EML6: variants seen among roughly 807,000 people sequenced by gnomAD.
EML6 encodes the protein echinoderm microtubule-associated protein-like 6.
EML6 carries 154 observed loss-of-function variants against 240.1 expected under a neutral mutation model. That is an observed-to-expected ratio of 0.64 (90% CI 0.56 to 0.73). The LOEUF (loss-of-function observed/expected upper bound fraction) is 0.73. Among genes scored for constraint, EML6 ranks in the 30% least tolerant of loss-of-function variants. EML6 has a pLI of 0.00. For synonymous variants in EML6, 1,148 were observed against 899.0 expected, an observed-to-expected ratio of 1.28 and a Z score of -4.95; for missense variants, 2,964 against 2,474.6, an observed-to-expected ratio of 1.20 and a Z score of -4.20.
chr2:54,957,554 C>T (rs143538505), intron 32 of EML6, among the ~76,000 whole-genome samples: 234 of 152,288 alleles, frequency 1.5e-3, no homozygotes, highest in Non-Finnish European at 2.9e-3. Flanking sequence ...TTTCTTGCTA[C>T]GTTCATGAAT....
chr2:54,843,625 A>T (rs1296417436), intron 7 of EML6, among the ~76,000 whole-genome samples: 1 of 152,034 alleles, frequency 6.6e-6, no homozygotes, highest in Admixed American at 6.6e-5. Flanking sequence ...CGGGCGGATC[A>T]CGAGGTCAGG....
Position 54,800,273 on chromosome 2 carries a change from A to G in EML6, c.198-12959A>G, listed in dbSNP as rs116810683. Among the ~76,000 whole-genome samples, 758 of 152,230 alleles carry G rather than the reference A, an allele frequency of 5.0e-3. 6 individuals are homozygous for G. The highest frequency in any genetic ancestry group is 9.0e-3 in the Non-Finnish European group (613 of 68,006). On this transcript the variant is annotated intron_variant, in intron 2 of 41. Coordinates refer to ENST00000356458, the MANE Select transcript of EML6 (RefSeq NM_001039753.4). The stretch of plus-strand genomic sequence containing the variant: ...ATTTTGTTTGCTCTGGAGGAGTTGG[A>G]TTGAATGAGGTCCCTTAAAGGGTCA...
At chr2:54,828,732 C>T (rs1668717483) in intron 6 of EML6, among the ~76,000 whole-genome samples, 1 of 152,222 alleles carries the variant, frequency 6.6e-6, no homozygotes, top group Non-Finnish European at 1.5e-5. Flanking sequence ...ACATTATATT[C>T]TTGCAGCACT....
At chr2:54,883,820 T>C (rs1671972563) in intron 17 of EML6, among the ~76,000 whole-genome samples, 1 of 152,222 alleles carries the variant, frequency 6.6e-6, no homozygotes, top group Non-Finnish European at 1.5e-5. Context: ...AGTGTGTTCT[T>C]TATTTATATA....
At chr2:54,812,176 T>C (rs1458261401) in intron 2 of EML6, among the ~76,000 whole-genome samples, 1 of 152,132 alleles carries the variant, frequency 6.6e-6, no homozygotes, top group Non-Finnish European at 1.5e-5. Flanking sequence ...ATCTATTTTC[T>C]GTATTATCTG....
At chr2:54,820,914 A>G (rs1320722243) in intron 5 of EML6, among the ~76,000 whole-genome samples, 1 of 152,176 alleles carries the variant, frequency 6.6e-6, no homozygotes, top group Non-Finnish European at 1.5e-5. Context: ...GTACAAACCT[A>G]TCTGGACCAT....
At chr2:54,895,151 C>G (rs1164585788) in intron 20 of EML6, 122 bp from the exon 21 acceptor site, 9 of 1,332,020 alleles carry the variant, frequency 6.8e-6, no homozygotes, top group Non-Finnish European at 9.4e-6. Flanking sequence ...AACTCTCTTC[C>G]TCTGGTAGAA....
At chr2:54,933,828 G>A (rs76438263) in intron 28 of EML6, among the ~76,000 whole-genome samples, 10,989 of 152,230 alleles carry the variant, frequency 0.072, 668 homozygotes, top group South Asian at 0.21. Context: ...GCGGCTCAAA[G>A]TCTCAGCCAG....
chr2:54,820,122 C>T lies in EML6; in HGVS notation c.457-272C>T, dbSNP rs115600811. Reference sequence around the variant, plus strand: ...TATCCTAAATTGTCCATTTGTTTATCTCAAATGGACAAAATTAAAAATATG... The same window carrying T: ...TATCCTAAATTGTCCATTTGTTTATTTCAAATGGACAAAATTAAAAATATG... On this transcript the variant is annotated intron_variant, in intron 4 of 41. Coordinates refer to ENST00000356458, the MANE Select transcript of EML6 (RefSeq NM_001039753.4). Among the ~76,000 whole-genome samples, 647 of 152,168 alleles carry T rather than the reference C, an allele frequency of 4.3e-3. 4 individuals carry two copies. Among genetic ancestry groups the T allele is most frequent in the Non-Finnish European group, 7.0e-3 (476 of 68,018 alleles).
chr2:54,755,572 C>T (rs529183570), intron 2 of EML6, among the ~76,000 whole-genome samples: 21 of 152,272 alleles, frequency 1.4e-4, no homozygotes, highest in African/African-American at 4.8e-4. Context: ...TGATGTTCAT[C>T]TCTACGTATT....
rs1287813138 is a variant in EML6, at chr2:54,960,340, C to G, written c.4968+6C>G. 2 of 1,545,540 alleles carry G rather than the reference C, an allele frequency of 1.3e-6. No individual in the cohort carries two copies. Among genetic ancestry groups the G allele is most frequent in the Admixed American group, 2.0e-5 (1 of 50,974 alleles). On this transcript the variant is annotated splice_donor_region_variant and intron_variant, in intron 35 of 41. Transcript: ENST00000356458. ...GCTCCGTGTGCCGTGGAAAAGTGAG[C>G]ACAGCCAGCTCCCCTGGGGGCTGGG...
chr2:54,723,955 G>C (rs1197062132), intron 1 of EML6, among the ~76,000 whole-genome samples, 178 bp downstream of exon 1: 8 of 152,194 alleles, frequency 5.3e-5, no homozygotes, highest in Admixed American at 2.6e-4. Flanking sequence ...GCTGTCCCCC[G>C]GGTCCCTCGG....
chr2:54,780,318 C>A (rs1668796564), intron 2 of EML6, among the ~76,000 whole-genome samples: 1 of 152,126 alleles, frequency 6.6e-6, no homozygotes, highest in African/African-American at 2.4e-5. Flanking sequence ...CTAGATTGTT[C>A]AAAAATCAGA....
At chr2:54,819,692 C>T (rs895922456) in intron 4 of EML6, among the ~76,000 whole-genome samples, 1 of 147,610 alleles carries the variant, frequency 6.8e-6, no homozygotes, top group African/African-American at 2.5e-5. Flanking sequence ...AGGAGAATTG[C>T]TTGAACCTGG....
intron 24 of EML6, among the ~76,000 whole-genome samples, chr2:54,907,309 C>G (rs979315233): frequency 6.6e-6 from 1 of 152,062 alleles, no homozygotes; most frequent in Non-Finnish European, 1.5e-5. Context: ...GAGTTTGAGG[C>G]CAGCCTGGCC....
At chr2:54,778,615 G>A (rs1331800680) in intron 2 of EML6, among the ~76,000 whole-genome samples, 3 of 152,090 alleles carry the variant, frequency 2.0e-5, no homozygotes, top group Non-Finnish European at 4.4e-5. Flanking sequence ...TAGGCCGGGC[G>A]CAGTAGCTCA....
At chr2:54,809,848 A>G (rs1037589910) in intron 2 of EML6, among the ~76,000 whole-genome samples, 4 of 152,130 alleles carry the variant, frequency 2.6e-5, no homozygotes, top group Non-Finnish European at 5.9e-5. Context: ...ATAGAAGTAA[A>G]TGCCATTTGG....
At chr2:54,763,767 A>G (rs1033312488) in intron 2 of EML6, among the ~76,000 whole-genome samples, 3 of 152,212 alleles carry the variant, frequency 2.0e-5, no homozygotes, top group African/African-American at 7.2e-5. Context: ...AAACAGCTTC[A>G]GCAGGCCTGG....
intron 2 of EML6, among the ~76,000 whole-genome samples, chr2:54,728,957 G>A (rs79106350): frequency 1.3e-5 from 2 of 152,196 alleles, no homozygotes; most frequent in East Asian, 3.9e-4. Flanking sequence ...GCCCTTCTCT[G>A]TCTGTCCAGC....
Sources: gnomAD v4.1 joint callset for allele counts (sites outside exome capture counted in the v4.1 genomes callset) on GRCh38, gnomAD v4.1.1 for gene constraint, MANE v1.5 for transcripts, NCBI Gene and HGNC (gene_info 2026-07-23, HGNC 2026-07-21) for gene names.